Variants in ADAMTSL1 observed in about 807,000 individuals in gnomAD.
ADAMTSL1 encodes the protein ADAMTS-like protein 1.
ADAMTSL1 carries 126 observed loss-of-function variants against 201.8 expected under a neutral mutation model. The observed-to-expected ratio is 0.62, with a 90% CI of 0.54 to 0.72. ADAMTSL1 has a LOEUF of 0.72. Among genes scored for constraint, ADAMTSL1 ranks in the 30% least tolerant of loss-of-function variants. ADAMTSL1 has a pLI of 0.00. For synonymous variants in ADAMTSL1, 1,121 were observed against 903.4 expected (o/e 1.24, Z -4.32); for missense variants, 2,679 against 2,277.8 (o/e 1.18, Z -3.59).
chr9:18,400,663 G>A (rs1817951988), intron 2 of ADAMTSL1, among the ~76,000 whole-genome samples: 1 of 152,110 alleles, frequency 6.6e-6, no homozygotes, highest in South Asian at 2.1e-4. Context: ...CAAACCCTCA[G>A]CTTAAAATGT....
intron 23 of ADAMTSL1, among the ~76,000 whole-genome samples, chr9:18,854,091 G>A (rs1040292870): frequency 6.6e-6 from 1 of 152,098 alleles, no homozygotes; most frequent in South Asian, 2.1e-4. Flanking sequence ...AGCTAATATT[G>A]TGGAAATTAA....
chr9:18,282,103 TC>T (rs1832813595), intron 2 of ADAMTSL1, among the ~76,000 whole-genome samples: 1 of 152,170 alleles, frequency 6.6e-6, no homozygotes. Context: ...TTTCAATCCT[TC>T]CCCCGCTTTT....
At chr9:18,459,875 CA>C (rs1407721669) in intron 2 of ADAMTSL1, among the ~76,000 whole-genome samples, 2 of 151,876 alleles carry the variant, frequency 1.3e-5, no homozygotes, top group Non-Finnish European at 2.9e-5. Context: ...CAAAAATTGA[CA>C]AAGAAACAGG....
chr9:18,797,906 A>T (rs559344439), intron 20 of ADAMTSL1, among the ~76,000 whole-genome samples: 3 of 152,302 alleles, frequency 2.0e-5, no homozygotes, highest in African/African-American at 7.2e-5. Flanking sequence ...TGTGCAAACC[A>T]TTATCCCAAC....
At chr9:17,979,819 C>T (rs949179592) in intron 1 of ADAMTSL1, among the ~76,000 whole-genome samples, 1 of 152,148 alleles carries the variant, frequency 6.6e-6, no homozygotes, top group Non-Finnish European at 1.5e-5. Context: ...GATTCTGGTT[C>T]AGTCAGCTGG....
At chr9:18,532,657 A>C (rs1000041387) in intron 2 of ADAMTSL1, among the ~76,000 whole-genome samples, 3 of 151,962 alleles carry the variant, frequency 2.0e-5, no homozygotes, top group Non-Finnish European at 4.4e-5. Flanking sequence ...GGAAAGGACT[A>C]AATAAATCAA....
At chr9:18,033,401 G>T (rs1563960394) in intron 1 of ADAMTSL1, among the ~76,000 whole-genome samples, 1 of 152,124 alleles carries the variant, frequency 6.6e-6, no homozygotes, top group Non-Finnish European at 1.5e-5. Context: ...AAACGTTAAA[G>T]AAATCACTAA....
intron 23 of ADAMTSL1, among the ~76,000 whole-genome samples, chr9:18,876,301 C>CGTGTGTCTGTGT (rs1828144567): frequency 7.2e-6 from 1 of 139,630 alleles, no homozygotes; most frequent in East Asian, 2.1e-4. Context: ...TGCCTGAATA[C>CGTGTGTCTGTGT]GTGTGTGTGT....
At chr9:18,027,434 T>G (rs1265304279) in intron 1 of ADAMTSL1, among the ~76,000 whole-genome samples, 1 of 113,204 alleles carries the variant, frequency 8.8e-6, no homozygotes, top group East Asian at 2.0e-4. Context: ...TTTCAAAGAT[T>G]TTTTTTTTTT....
Position 17,929,968 on chromosome 9 carries a change from A to C in ADAMTSL1, c.87+23046A>C, listed in dbSNP as rs192126728. Among the ~76,000 whole-genome samples, 568 of 152,308 alleles carry C rather than the reference A, an allele frequency of 3.7e-3. 4 individuals carry two copies. Among genetic ancestry groups the C allele is most frequent in the African/African-American group, 0.013 (525 of 41,578 alleles). ...CTAGTTCAGTGCCTGGCATTGTTGA[A>C]AAAAGGATTAATGAAATATTTTTGA... On this transcript the variant is annotated intron_variant, in intron 1 of 29. Transcript: ENST00000680146.
chr9:18,455,396 A>G (rs1587265401), intron 2 of ADAMTSL1, among the ~76,000 whole-genome samples: 1 of 152,300 alleles, frequency 6.6e-6, no homozygotes, highest in Non-Finnish European at 1.5e-5. Context: ...CTTTGCTCAT[A>G]TGTTGCAAAT....
chr9:17,961,329 A>G (rs112661227), intron 1 of ADAMTSL1, among the ~76,000 whole-genome samples: 49 of 151,960 alleles, frequency 3.2e-4, no homozygotes, highest in African/African-American at 1.1e-3. Context: ...GCTAACCACA[A>G]CCTCCACCTC....
chr9:18,295,404 T>C (rs1833438827), intron 2 of ADAMTSL1, among the ~76,000 whole-genome samples: 2 of 151,918 alleles, frequency 1.3e-5, no homozygotes, highest in Non-Finnish European at 2.9e-5. Flanking sequence ...AGTGGCGCGA[T>C]CTTGGCTCAC....
chr9:18,157,414 C>T (rs1302448690), intron 1 of ADAMTSL1, among the ~76,000 whole-genome samples: 1 of 151,836 alleles, frequency 6.6e-6, no homozygotes, highest in Non-Finnish European at 1.5e-5. Context: ...AGTTTGTTCC[C>T]CCCATAAAGG....
chr9:18,734,746 A>T (rs971142073), intron 15 of ADAMTSL1, among the ~76,000 whole-genome samples: 2 of 152,108 alleles, frequency 1.3e-5, no homozygotes, highest in African/African-American at 4.8e-5. Flanking sequence ...GAGCTGGTAA[A>T]ATATTTTTTC....
intron 4 of ADAMTSL1, among the ~76,000 whole-genome samples, chr9:18,590,134 G>T (rs1291042288): frequency 6.6e-6 from 1 of 151,970 alleles, no homozygotes; most frequent in Non-Finnish European, 1.5e-5. Flanking sequence ...ATGTTTGGTA[G>T]AATTCAGCAG....
chr9:18,250,657 G>A (rs1041376959), intron 2 of ADAMTSL1, among the ~76,000 whole-genome samples: 2 of 152,058 alleles, frequency 1.3e-5, no homozygotes, highest in Non-Finnish European at 2.9e-5. Context: ...GGATGGCTGG[G>A]GCCCTGGGAA....
intron 1 of ADAMTSL1, among the ~76,000 whole-genome samples, chr9:18,066,993 G>T (rs370020525): frequency 1.8e-4 from 27 of 152,232 alleles, no homozygotes; most frequent in East Asian, 7.7e-4. Flanking sequence ...GTTGTGGGGT[G>T]GGGGGAGAGA....
intron 2 of ADAMTSL1, among the ~76,000 whole-genome samples, chr9:18,250,094 C>T (rs1162318957): frequency 6.6e-6 from 1 of 152,194 alleles, no homozygotes; most frequent in Non-Finnish European, 1.5e-5. Context: ...GTGTAGTTTA[C>T]ATGAATTAAA....
Sources: allele counts gnomAD v4.1 joint callset (sites outside exome capture counted in the v4.1 genomes callset), GRCh38; gene constraint gnomAD v4.1.1; transcripts MANE v1.5; gene names NCBI Gene and HGNC (gene_info 2026-07-23, HGNC 2026-07-21).